PRELID2: variants seen among roughly 807,000 people sequenced by gnomAD.
The protein encoded by PRELID2 is PRELI domain-containing protein 2.
In PRELID2, 25 loss-of-function variants were observed where a neutral mutation model predicts 28.4. That is an observed-to-expected ratio of 0.88 (90% confidence interval 0.64 to 1.23). The LOEUF (loss-of-function observed/expected upper bound fraction) is 1.23. PRELID2 is among the 50% of genes most tolerant of loss of function. The probability of loss-of-function intolerance (pLI) is 0.00; values close to 1 mark genes in which losing one functional copy is unlikely to be tolerated. For missense variants in PRELID2, 201 were observed against 214.4 expected (o/e 0.94, Z 0.39); for synonymous variants, 76 against 71.6 (o/e 1.06, Z -0.31).
chr5:145,749,727 A>G (rs1217542850), intron 1 of PRELID2, among the ~76,000 whole-genome samples: 1 of 152,244 alleles, frequency 6.6e-6, no homozygotes, highest in African/African-American at 2.4e-5. Flanking sequence ...ATGCCTATCA[A>G]TGATAGACTG....
At chr5:145,789,097 C>T (rs996121562) in intron 5 of PRELID2, among the ~76,000 whole-genome samples, 21 of 152,116 alleles carry the variant, frequency 1.4e-4, no homozygotes, top group African/African-American at 5.1e-4. Flanking sequence ...AGATTCAATG[C>T]AATCTCTATC....
the PRELID2 span, among the ~76,000 whole-genome samples, chr5:145,448,742 C>T: frequency 6.6e-6 from 1 of 152,086 alleles, no homozygotes; most frequent in Non-Finnish European, 1.5e-5. Context: ...GTTATCTCAT[C>T]TGTAATTGGG....
chr5:145,277,331 A>G, the PRELID2 span, among the ~76,000 whole-genome samples: 1 of 152,344 alleles, frequency 6.6e-6, no homozygotes, highest in East Asian at 1.9e-4. Flanking sequence ...ATCTCATAAA[A>G]ATAAAGAAAT....
intron 1 of PRELID2, among the ~76,000 whole-genome samples, chr5:145,667,944 A>G (rs1340113859): frequency 6.6e-6 from 1 of 152,104 alleles, no homozygotes; most frequent in African/African-American, 2.4e-5. Flanking sequence ...GAGTTCGGGT[A>G]GAGACAAAAA....
At chr5:145,473,565 C>T (rs1380108253) in intron 1 of PRELID2, among the ~76,000 whole-genome samples, 1 of 152,096 alleles carries the variant, frequency 6.6e-6, no homozygotes, top group East Asian at 1.9e-4. Context: ...ACTGTTAACA[C>T]CAAATTATGC....
intron 1 of PRELID2, among the ~76,000 whole-genome samples, chr5:145,711,461 T>A (rs1321499794): frequency 6.6e-6 from 1 of 152,072 alleles, no homozygotes; most frequent in Non-Finnish European, 1.5e-5. Context: ...ATCTGAACCA[T>A]TTTGAGTTGT....
At chr5:145,431,866 T>A in the PRELID2 span, among the ~76,000 whole-genome samples, 1 of 152,140 alleles carries the variant, frequency 6.6e-6, no homozygotes, top group Non-Finnish European at 1.5e-5. Context: ...AGCAGATACA[T>A]GCAAAGACAG....
intron 1 of PRELID2, among the ~76,000 whole-genome samples, chr5:145,736,234 T>C (rs972960302): frequency 6.6e-6 from 1 of 152,224 alleles, no homozygotes; most frequent in Non-Finnish European, 1.5e-5. Context: ...ATATTTGTTA[T>C]AAAAATAAAG....
intron 1 of PRELID2, among the ~76,000 whole-genome samples, chr5:145,710,646 ATG>A (rs1755668206): frequency 6.6e-6 from 1 of 152,214 alleles, no homozygotes; most frequent in Non-Finnish European, 1.5e-5. Context: ...AGTGTCCATG[ATG>A]CCAGGGCTCA....
At chr5:145,354,384 A>G in the PRELID2 span, among the ~76,000 whole-genome samples, 2 of 152,098 alleles carry the variant, frequency 1.3e-5, no homozygotes, top group Non-Finnish European at 2.9e-5. Context: ...TCCATTCTTG[A>G]CAGAGGAGCT....
the PRELID2 span, among the ~76,000 whole-genome samples, chr5:145,408,966 G>T: frequency 3.3e-5 from 5 of 152,042 alleles, no homozygotes; most frequent in African/African-American, 1.2e-4. Flanking sequence ...GAGCTGTGAG[G>T]CAAAATCATC....
intron 1 of PRELID2, among the ~76,000 whole-genome samples, chr5:145,662,977 C>A (rs1031391093): frequency 7.9e-5 from 12 of 152,130 alleles, no homozygotes; most frequent in African/African-American, 2.9e-4. Context: ...AATATAATGG[C>A]TTCTCATTCT....
intron 1 of PRELID2, among the ~76,000 whole-genome samples, chr5:145,613,551 T>C (rs1013021935): frequency 1.9e-4 from 28 of 149,666 alleles, no homozygotes; most frequent in African/African-American, 6.9e-4. Flanking sequence ...CAGCAAACTA[T>C]TGCAAGGACA....
intron 1 of PRELID2, among the ~76,000 whole-genome samples, chr5:145,655,344 A>G (rs1361193547): frequency 1.3e-5 from 2 of 152,204 alleles, no homozygotes; most frequent in African/African-American, 4.8e-5. Flanking sequence ...TTATAGATTC[A>G]ATGCCATCCC....
At chr5:145,663,869 C>T (rs142638947) in intron 1 of PRELID2, among the ~76,000 whole-genome samples, 4 of 152,182 alleles carry the variant, frequency 2.6e-5, no homozygotes, top group East Asian at 1.9e-4. Context: ...CTCAGCAGTG[C>T]GCCCATTATC....
At chr5:145,267,321 T>C in the PRELID2 span, among the ~76,000 whole-genome samples, 1 of 152,102 alleles carries the variant, frequency 6.6e-6, no homozygotes, top group Non-Finnish European at 1.5e-5. Flanking sequence ...GACCCAAATG[T>C]TAATCTCCTC....
the PRELID2 span, among the ~76,000 whole-genome samples, chr5:145,337,686 A>AATAT: frequency 0.017 from 1,379 of 79,464 alleles, 5 homozygotes; most frequent in Non-Finnish European, 0.023. Context: ...GCATAGGGCA[A>AATAT]ATATATATAT....
At chr5:145,651,957 A>T (rs1310176195) in intron 1 of PRELID2, among the ~76,000 whole-genome samples, 1 of 152,262 alleles carries the variant, frequency 6.6e-6, no homozygotes, top group Non-Finnish European at 1.5e-5. Flanking sequence ...AACTTCTATG[A>T]GCTAAAGGAG....
At chr5:145,529,924 C>T (rs2126659860) in intron 1 of PRELID2, among the ~76,000 whole-genome samples, 1 of 152,198 alleles carries the variant, frequency 6.6e-6, no homozygotes, top group South Asian at 2.1e-4. Flanking sequence ...CCTGAGATGA[C>T]CATTTATTTC....
Sources: allele counts gnomAD v4.1 joint callset (sites outside exome capture counted in the v4.1 genomes callset), GRCh38; gene constraint gnomAD v4.1.1; transcripts MANE v1.5; gene names NCBI Gene and HGNC (gene_info 2026-07-23, HGNC 2026-07-21).